The following SH3BGR variants were observed in gnomAD, a reference collection of about 807,000 sequenced individuals.
SH3BGR encodes SH3 domain-binding glutamic acid-rich protein.
In SH3BGR, 29 loss-of-function variants were observed where a neutral mutation model predicts 24.5. That is an observed-to-expected ratio of 1.18 (90% CI 0.88 to 1.61). SH3BGR has a LOEUF of 1.61. Among genes scored for constraint, SH3BGR ranks in the 40% most tolerant of loss-of-function variants. The probability of loss-of-function intolerance (pLI) is 0.00; values close to 1 mark genes in which losing one functional copy is unlikely to be tolerated. For synonymous variants in SH3BGR, 55 were observed against 65.7 expected, an observed-to-expected ratio of 0.84 and a Z score of 0.79; for missense variants, 162 against 205.8, an observed-to-expected ratio of 0.79 and a Z score of 1.30.
chr21:39,491,391 C>A (rs936811893), intron 3 of SH3BGR, among the ~76,000 whole-genome samples: 2 of 152,034 alleles, frequency 1.3e-5, no homozygotes, highest in African/African-American at 4.8e-5. Flanking sequence ...CTCAAGTAAT[C>A]CACCCGCCTT....
chr21:39,477,263 C>A (rs1177270790), intron 3 of SH3BGR, among the ~76,000 whole-genome samples: 1 of 151,814 alleles, frequency 6.6e-6, no homozygotes, highest in African/African-American at 2.4e-5. Flanking sequence ...TATAATGTTC[C>A]ATCAAGTTGA....
At chr21:39,492,481 T>TATATATATATACACACAC (rs1310495973) in intron 3 of SH3BGR, among the ~76,000 whole-genome samples, 12 of 81,602 alleles carry the variant, frequency 1.5e-4, no homozygotes, top group African/African-American at 3.6e-4. Flanking sequence ...TATATATATA[T>TATATATATATACACACAC]ACACACACAC....
intron 3 of SH3BGR, among the ~76,000 whole-genome samples, chr21:39,481,348 G>A (rs2078127910): frequency 6.6e-6 from 1 of 152,116 alleles, no homozygotes; most frequent in Non-Finnish European, 1.5e-5. Flanking sequence ...CAACTTAACA[G>A]ATATTGCGAA....
intron 3 of SH3BGR, among the ~76,000 whole-genome samples, chr21:39,492,469 TATATATATATATACACACACACACAC>T (rs2078318646): frequency 8.0e-6 from 1 of 125,032 alleles, no homozygotes; most frequent in South Asian, 2.7e-4. Flanking sequence ...TGTGTGTGTA[TATATATATATATACACACACACACAC>T]ACACCACATT....
intron 3 of SH3BGR, among the ~76,000 whole-genome samples, chr21:39,479,256 G>C (rs1207796653): frequency 1.4e-5 from 2 of 147,740 alleles, no homozygotes; most frequent in African/African-American, 5.2e-5. Context: ...GGTGGTGGTG[G>C]TGATGGTAGT....
At chr21:39,474,626 G>A (rs1262958830) in intron 2 of SH3BGR, among the ~76,000 whole-genome samples, 1 of 152,088 alleles carries the variant, frequency 6.6e-6, no homozygotes, top group Non-Finnish European at 1.5e-5. Context: ...AATCACTCCA[G>A]TTGTTCCTAT....
chr21:39,502,955 T>G (rs1321464184), intron 4 of SH3BGR, among the ~76,000 whole-genome samples: 1 of 151,084 alleles, frequency 6.6e-6, no homozygotes, highest in Non-Finnish European at 1.5e-5. Context: ...CTCCCCAGTC[T>G]GGCCACCTCC....
At chr21:39,455,972 G>T (rs546430231) in intron 1 of SH3BGR, among the ~76,000 whole-genome samples, 1 of 152,286 alleles carries the variant, frequency 6.6e-6, no homozygotes, top group South Asian at 2.1e-4. Context: ...GGATGCAATT[G>T]CCTGTCTTGT....
At chr21:39,468,584 G>A (rs1195520253) in intron 2 of SH3BGR, among the ~76,000 whole-genome samples, 6 of 152,202 alleles carry the variant, frequency 3.9e-5, no homozygotes, top group South Asian at 2.1e-4. Context: ...GACTATAGGT[G>A]TGCAGCACCA....
chr21:39,473,661 G>T (rs768710777), intron 2 of SH3BGR, among the ~76,000 whole-genome samples: 50 of 152,014 alleles, frequency 3.3e-4, no homozygotes, highest in African/African-American at 2.4e-5. Flanking sequence ...GAGGTGGGTG[G>T]ATCATCTGGG....
chr21:39,510,956 A>G (rs2078681546), intron 5 of SH3BGR, among the ~76,000 whole-genome samples: 1 of 107,806 alleles, frequency 9.3e-6, no homozygotes, highest in Non-Finnish European at 1.9e-5. Context: ...TACTTTCTGA[A>G]TTTGTAAAGG....
chr21:39,459,080 C>T (rs1034476555), intron 1 of SH3BGR, among the ~76,000 whole-genome samples: 36 of 151,420 alleles, frequency 2.4e-4, no homozygotes, highest in Admixed American at 2.0e-3. Flanking sequence ...AGAATCTGTT[C>T]ACATGAAGGA....
In SH3BGR at chr21:39,470,718, A is replaced by AT. The variant is rs1272864348; in HGVS notation, c.232-4414dup. On this transcript the variant is annotated intron_variant, in intron 2 of 6. Transcript: ENST00000333634. ...ACAATCAATGTTTGTTCAGATTTAG[A>AT]TTTACCCACATATTTACTATTAATT... Among the ~76,000 whole-genome samples, 5 of 152,174 alleles carry AT rather than the reference A, an allele frequency of 3.3e-5. No individual in the cohort carries two copies. In the South Asian group the frequency reaches 1.0e-3, roughly 32 times the overall value.
chr21:39,466,010 G>C (rs2077835537), intron 2 of SH3BGR, among the ~76,000 whole-genome samples: 2 of 152,162 alleles, frequency 1.3e-5, no homozygotes, highest in South Asian at 4.1e-4. Flanking sequence ...AGTGCTGTAG[G>C]AATTATCTTT....
chr21:39,496,226 C>T (rs4816629), intron 3 of SH3BGR, among the ~76,000 whole-genome samples: 79,021 of 151,904 alleles, frequency 0.52, 21,035 homozygotes, highest in East Asian at 0.68. Context: ...TTTGGCCGGG[C>T]GCGGTGGCTC....
At chr21:39,479,247 G>GTGC (rs59919578) in intron 3 of SH3BGR, among the ~76,000 whole-genome samples, 2 of 149,588 alleles carry the variant, frequency 1.3e-5, no homozygotes, top group African/African-American at 4.9e-5. Context: ...GGTGGTGGTG[G>GTGC]TGGTGGTGGT....
At chr21:39,465,194 C>T (rs955356421) in intron 2 of SH3BGR, among the ~76,000 whole-genome samples, 1 of 152,192 alleles carries the variant, frequency 6.6e-6, no homozygotes, top group African/African-American at 2.4e-5. Context: ...GCCACTGTGC[C>T]TGGTATCCCC....
At chr21:39,451,765 C>T (rs2077577462), upstream of SH3BGR, 6 of 1,059,268 alleles carry the variant, frequency 5.7e-6, no homozygotes, top group Non-Finnish European at 6.9e-6. Flanking sequence ...GATTGGTGCA[C>T]AGCACAGCCT....
At chr21:39,456,554 G>A (rs1215252236) in intron 1 of SH3BGR, among the ~76,000 whole-genome samples, 2 of 152,142 alleles carry the variant, frequency 1.3e-5, no homozygotes, top group African/African-American at 4.8e-5. Context: ...GTTTCCATGT[G>A]GGGTAGCAGT....
Sources: allele counts gnomAD v4.1 joint callset (sites outside exome capture counted in the v4.1 genomes callset), GRCh38; gene constraint gnomAD v4.1.1; transcripts MANE v1.5; gene names NCBI Gene and HGNC (gene_info 2026-07-23, HGNC 2026-07-21).